Variants in CARD8 observed in about 807,000 individuals in gnomAD.
CARD8 encodes the protein caspase recruitment domain-containing protein 8.
A neutral mutation model predicts 53.2 loss-of-function variants in CARD8; 38 were observed. That is an observed-to-expected ratio of 0.71 (90% CI 0.55 to 0.94). The LOEUF is 0.94. CARD8 is among the 40% of genes least tolerant of loss of function. The probability of loss-of-function intolerance (pLI) is 0.00; values close to 1 mark genes in which losing one functional copy is unlikely to be tolerated. For missense variants in CARD8, 561 were observed against 655.5 expected (o/e 0.86, Z 1.57); for synonymous variants, 245 against 244.9 (o/e 1.00, Z 0.00).
rs116096951 is a variant in CARD8, at chr19:48,248,895, A to C, written c.-44+628T>G. Reference sequence around the variant, plus strand: ...TTAAAACCACATGTAAACATGGATAAATATTTAAAATGTACTATTGGGCCG... The same window carrying C: ...TTAAAACCACATGTAAACATGGATACATATTTAAAATGTACTATTGGGCCG... On this transcript the variant is annotated intron_variant, in intron 3 of 13. Transcript: ENST00000651546. 2.1e-3 allele frequency among the ~76,000 whole-genome samples: 315 copies of C among 152,332 alleles called. 1 individual carries two copies. The highest frequency in any genetic ancestry group is 7.0e-3 in the African/African-American group (289 of 41,582).
chr19:48,204,407 G>A (rs974438711), downstream of CARD8, among the ~76,000 whole-genome samples: 2 of 152,040 alleles, frequency 1.3e-5, no homozygotes, highest in African/African-American at 4.8e-5. Flanking sequence ...GGAGTGTTTT[G>A]GTGAATTCCT....
intron 13 of CARD8, among the ~76,000 whole-genome samples, chr19:48,212,614 A>T (rs1243447934): frequency 6.6e-6 from 1 of 152,210 alleles, no homozygotes; most frequent in Non-Finnish European, 1.5e-5. Flanking sequence ...TTGACTCAAG[A>T]CATGTTCTGG....
chr19:48,207,734 G>T (rs78262090), downstream of CARD8, among the ~76,000 whole-genome samples: 44,034 of 116,636 alleles, frequency 0.38, 7,925 homozygotes, highest in East Asian at 0.56. Flanking sequence ...TTGTTTTTCT[G>T]TTTTTTTTTT....
At chr19:48,214,161 T>A (rs552183612) in intron 13 of CARD8, among the ~76,000 whole-genome samples, 2 of 152,256 alleles carry the variant, frequency 1.3e-5, no homozygotes, top group Non-Finnish European at 2.9e-5. Context: ...TCAGTCATTC[T>A]TGGCAGATGA....
chr19:48,215,256 T>A, intron 13 of CARD8, 84 bp downstream of exon 13: 1 of 963,734 alleles, frequency 1.0e-6, no homozygotes, highest in South Asian at 1.3e-5. Context: ...TGGTGCCATG[T>A]CACTTGGATA....
chr19:48,213,373 CTTAT>C (rs906662955), intron 13 of CARD8, among the ~76,000 whole-genome samples: 3 of 151,686 alleles, frequency 2.0e-5, no homozygotes, highest in South Asian at 2.1e-4. Context: ...TATTTATTTA[CTTAT>C]TTATTTATTT....
At chr19:48,223,303 C>CAAA (rs576645325) in intron 10 of CARD8, among the ~76,000 whole-genome samples, 1 of 106,926 alleles carries the variant, frequency 9.4e-6, no homozygotes, top group African/African-American at 3.2e-5. Flanking sequence ...GACTCTGTCT[C>CAAA]AAAAAAAAAA....
intron 10 of CARD8, among the ~76,000 whole-genome samples, chr19:48,225,880 G>A (rs779471545): frequency 3.3e-5 from 5 of 152,024 alleles, no homozygotes; most frequent in Admixed American, 6.6e-5. Context: ...TGGTGAAACC[G>A]TGTCTCTACT....
chr19:48,224,756 C>CT (rs10533384), intron 10 of CARD8, among the ~76,000 whole-genome samples: 76 of 135,228 alleles, frequency 5.6e-4, no homozygotes, highest in South Asian at 2.2e-3. Context: ...TCACCTTGTG[C>CT]TTTTTTTTTT....
At chr19:48,213,752 G>T (rs1243835568) in intron 13 of CARD8, among the ~76,000 whole-genome samples, 1 of 152,138 alleles carries the variant, frequency 6.6e-6, no homozygotes, top group African/African-American at 2.4e-5. Context: ...ATCCTTGGCT[G>T]ATATCTGCTC....
rs140937765 is a variant in CARD8 at position 48,221,834 on chromosome 19, G to C, written c.1057C>G (p.Arg353Gly). Residue 353 changes from arginine to glycine, a missense_variant, in exon 11 of 14, where the codon CGC (arginine) becomes GGC (glycine). Arg to Gly is a moderately radical substitution (Grantham distance 125). Coordinates refer to ENST00000651546, the MANE Select transcript of CARD8 (RefSeq NM_001184900.3). Reference sequence around the variant, plus strand: ...GTCTGCAGGCGCACACCATGGAAGCGATCTTCCTCATCATCTATCGCCTAA... The same window carrying C: ...GTCTGCAGGCGCACACCATGGAAGCCATCTTCCTCATCATCTATCGCCTAA... ...LTKAIDDEED[R>G]FHGVRLQTSP... 1.7e-5 allele frequency: 27 copies of C among 1,602,988 alleles called. No homozygotes were observed. The highest frequency in any genetic ancestry group is 4.0e-5 in the African/African-American group (3 of 74,744).
rs35050640 is a variant in CARD8, at chr19:48,226,053, C to CAAAAAA, written c.1036-4204_1036-4199dup. Among the ~76,000 whole-genome samples, 383 of 78,380 alleles carry CAAAAAA rather than the reference C, an allele frequency of 4.9e-3. 14 individuals are homozygous for CAAAAAA. The highest frequency in any genetic ancestry group is 0.018 in the African/African-American group (354 of 19,978). The allele number at this position is 78,380 out of a possible 152,430, so 51.4% of individuals were successfully genotyped here. On this transcript the variant is annotated intron_variant, in intron 10 of 13. Coordinates refer to ENST00000651546, the MANE Select transcript of CARD8 (RefSeq NM_001184900.3). ...TGGGGGACACAGCAAGACTCCGTCT[C>CAAAAAA]AAAAAAAAAAAAAAAAAAAGCCATG...
intron 3 of CARD8, among the ~76,000 whole-genome samples, chr19:48,247,199 C>G (rs1029572472): frequency 6.6e-6 from 1 of 152,132 alleles, no homozygotes. Context: ...TGGCATGGGC[C>G]TGTAATTTCA....
intron 12 of CARD8, among the ~76,000 whole-genome samples, chr19:48,217,932 C>T (rs1200713367): frequency 6.6e-6 from 1 of 152,212 alleles, no homozygotes. Context: ...TATGACACCC[C>T]GAAAATGAAA....
chr19:48,237,278 C>T (rs767434464), intron 5 of CARD8, among the ~76,000 whole-genome samples: 74 of 151,878 alleles, frequency 4.9e-4, no homozygotes, highest in Non-Finnish European at 9.7e-4. Flanking sequence ...TCAGCAGGAG[C>T]AAGACAGTGA....
At chr19:48,222,264 T>G (rs1000313140) in intron 10 of CARD8, among the ~76,000 whole-genome samples, 1 of 152,214 alleles carries the variant, frequency 6.6e-6, no homozygotes, top group Non-Finnish European at 1.5e-5. Context: ...ACGTCTATGA[T>G]GGACAAGGGT....
chr19:48,234,275 T>C (rs1348830396), intron 6 of CARD8, 128 bp downstream of exon 6: 5 of 905,232 alleles, frequency 5.5e-6, no homozygotes, highest in Non-Finnish European at 6.6e-6. Context: ...TCATTGCTAG[T>C]ATTGCATAAG....
intron 6 of CARD8, chr19:48,232,861 C>T: frequency 2.2e-6 from 1 of 451,452 alleles, no homozygotes; most frequent in Non-Finnish European, 4.4e-6. Flanking sequence ...AGATAACACA[C>T]TCCCTTGAGC....
At position 48,210,621 on chromosome 19, in the gene CARD8, C is replaced by G. The variant is rs1465102767; in HGVS notation, c.*1089G>C. 12 of 151,984 alleles carry G rather than the reference C, an allele frequency of 7.9e-5. No homozygotes were observed. The highest frequency in any genetic ancestry group is 1.3e-4 in the Non-Finnish European group (9 of 67,970). The allele number at this position is 151,984 out of a possible 1,614,324, so 9.4% of individuals were successfully genotyped here. ...TGCCTAGATTCCACTTTAAGTGGTACAAATGTGATAACAGTAGAATAGAAA... is the reference window on the plus strand; with the variant it reads ...TGCCTAGATTCCACTTTAAGTGGTAGAAATGTGATAACAGTAGAATAGAAA... On this transcript the variant is annotated 3_prime_UTR_variant, in exon 14 of 14. Coordinates refer to ENST00000651546, the MANE Select transcript of CARD8 (RefSeq NM_001184900.3).
Sources: gnomAD v4.1 joint callset for allele counts (sites outside exome capture counted in the v4.1 genomes callset) on GRCh38, gnomAD v4.1.1 for gene constraint, MANE v1.5 for transcripts, NCBI Gene and HGNC (gene_info 2026-07-23, HGNC 2026-07-21) for gene names.